ARHGEF4: variants seen among roughly 807,000 people sequenced by gnomAD.
ARHGEF4 encodes the protein Rho guanine nucleotide exchange factor 4.
ARHGEF4 carries 119 observed loss-of-function variants against 162.0 expected under a neutral mutation model. That is an observed-to-expected ratio of 0.73 (90% CI 0.63 to 0.86). The LOEUF is 0.86. Among genes scored for constraint, ARHGEF4 ranks in the 40% least tolerant of loss-of-function variants. ARHGEF4 has a pLI of 0.00. For synonymous variants in ARHGEF4, 1,014 were observed against 979.9 expected, an observed-to-expected ratio of 1.03 and a Z score of -0.65; for missense variants, 2,488 against 2,456.0, an observed-to-expected ratio of 1.01 and a Z score of -0.28.
intron 2 of ARHGEF4, among the ~76,000 whole-genome samples, chr2:130,925,035 AGTGTGTGT>A (rs55986926): frequency 0.12 from 15,988 of 137,778 alleles, 912 homozygotes; most frequent in Non-Finnish European, 0.12. Flanking sequence ...AGGAGTTCTA[AGTGTGTGT>A]GTGTGTGTGT....
intron 4 of ARHGEF4, among the ~76,000 whole-genome samples, chr2:131,022,852 A>G (rs1689222912): frequency 1.3e-5 from 2 of 151,966 alleles, no homozygotes; most frequent in African/African-American, 4.8e-5. Flanking sequence ...AAACTTTGGC[A>G]CTATGAAAAC....
Position 130,916,665 on chromosome 2 carries a change from GC to G in ARHGEF4, c.2720del (p.Ala907GlufsTer17). 6.4e-7 allele frequency: 1 copy of G among 1,550,620 alleles called. No homozygotes were observed. The highest frequency in any genetic ancestry group is 8.7e-7 in the Non-Finnish European group (1 of 1,147,004). ...CAAAACAACGGAGAAAAAACTCAGG[GC>G]AAGGTTGGCCTTGGCTCATAAGACC... ...RLKTTEKKLR[A>X]RLALAHKTFS... On this transcript the variant is annotated frameshift_variant, in exon 2 of 14. Transcript: ENST00000409359. LOFTEE classifies it high-confidence loss of function.
chr2:130,948,269 C>G (rs927659323), intron 4 of ARHGEF4, among the ~76,000 whole-genome samples: 14 of 152,188 alleles, frequency 9.2e-5, no homozygotes, highest in Admixed American at 3.3e-4. Flanking sequence ...TGGTGGTTGT[C>G]CATCAGCAGA....
At chr2:130,975,295 C>T (rs1027909497) in intron 4 of ARHGEF4, among the ~76,000 whole-genome samples, 10 of 152,224 alleles carry the variant, frequency 6.6e-5, no homozygotes, top group Non-Finnish European at 1.5e-4. Flanking sequence ...GCCTTCCAGA[C>T]CCTGGAGACT....
At chr2:130,968,482 G>A (rs1685142572) in intron 4 of ARHGEF4, among the ~76,000 whole-genome samples, 1 of 152,202 alleles carries the variant, frequency 6.6e-6, no homozygotes, top group South Asian at 2.1e-4. Context: ...GATGTAGGAA[G>A]GAAGGGAACC....
chr2:131,030,276 T>C (rs1689762236), intron 5 of ARHGEF4, among the ~76,000 whole-genome samples: 1 of 152,190 alleles, frequency 6.6e-6, no homozygotes, highest in Non-Finnish European at 1.5e-5. Context: ...GACAAGTTGT[T>C]CATTCTAAGA....
chr2:130,939,288 CTTCTT>C (rs1683142273), intron 3 of ARHGEF4, among the ~76,000 whole-genome samples: 1 of 152,250 alleles, frequency 6.6e-6, no homozygotes, highest in African/African-American at 2.4e-5. Context: ...AGTTTCTTTT[CTTCTT>C]TTCTTTTTTT....
intron 5 of ARHGEF4, among the ~76,000 whole-genome samples, chr2:131,034,102 G>A (rs1690053744): frequency 6.6e-6 from 1 of 152,120 alleles, no homozygotes; most frequent in African/African-American, 2.4e-5. Context: ...CACACACAGA[G>A]AGATCAGAGC....
At chr2:130,992,046 C>G (rs1045209292) in intron 4 of ARHGEF4, among the ~76,000 whole-genome samples, 1 of 152,190 alleles carries the variant, frequency 6.6e-6, no homozygotes, top group Non-Finnish European at 1.5e-5. Context: ...TGTGAGTGCA[C>G]CAATCGACAC....
intron 4 of ARHGEF4, among the ~76,000 whole-genome samples, chr2:131,024,542 T>G (rs1299158615): frequency 6.6e-6 from 1 of 152,184 alleles, no homozygotes; most frequent in African/African-American, 2.4e-5. Context: ...CCCAAAGTGC[T>G]GGGATTGCAG....
intron 5 of ARHGEF4, among the ~76,000 whole-genome samples, chr2:131,031,306 G>C (rs906144125): frequency 1.3e-5 from 2 of 152,228 alleles, no homozygotes; most frequent in African/African-American, 2.4e-5. Context: ...CTGGCCTGGA[G>C]AGCGGCCCAC....
Position 130,950,687 on chromosome 2 carries a change from C to A in ARHGEF4, c.3985+4052C>A, listed in dbSNP as rs1305601291. Among the ~76,000 whole-genome samples, 4 of 110,438 alleles carry A rather than the reference C, an allele frequency of 3.6e-5. No homozygotes were observed. In the East Asian group the frequency reaches 1.3e-3, roughly 36 times the overall value. 72.5% of individuals were successfully genotyped at this position (110,438 alleles called of 152,430 possible). On this transcript the variant is annotated intron_variant, in intron 4 of 13. Coordinates refer to ENST00000409359, the MANE Select transcript of ARHGEF4 (RefSeq NM_001367493.1). ...AGAAGCTCTGTACCTTTAGCTATTA[C>A]CCCCCACCACCACCCGAAGGAACCA...
Position 130,914,067 on chromosome 2 carries a change from GAGCAGGGATGGAACC to G in ARHGEF4, c.126_140del (p.Gly43_Gln47del). The G allele has an allele frequency of 6.5e-7, 1 of 1,536,142 alleles. No homozygotes were observed. The highest frequency in any genetic ancestry group is 1.2e-5 in the South Asian group (1 of 84,064). ...CCCCACATCCCCTGCAGAACAAGTGGAGCAGGGATGGAACCAGCAAACAGACCGCGATGATTCTGA... is the reference window on the plus strand; with the variant it reads ...CCCCACATCCCCTGCAGAACAAGTGGAGCAAACAGACCGCGATGATTCTGA... On this transcript the variant is annotated inframe_deletion, in exon 2 of 14. Coordinates refer to ENST00000409359, the MANE Select transcript of ARHGEF4 (RefSeq NM_001367493.1).
intron 1 of ARHGEF4, among the ~76,000 whole-genome samples, chr2:130,908,359 T>G (rs1680963692): frequency 6.6e-6 from 1 of 152,192 alleles, no homozygotes; most frequent in African/African-American, 2.4e-5. Context: ...GGGCAGAGAC[T>G]GTGGGATTTT....
intron 1 of ARHGEF4, among the ~76,000 whole-genome samples, chr2:130,869,429 G>T (rs111811181): frequency 1.3e-5 from 2 of 152,346 alleles, no homozygotes; most frequent in African/African-American, 4.8e-5. Context: ...CACTGGTGGT[G>T]TCACTGACTG....
At chr2:130,912,791 G>C (rs1316118404) in intron 1 of ARHGEF4, among the ~76,000 whole-genome samples, 1 of 152,060 alleles carries the variant, frequency 6.6e-6, no homozygotes, top group Non-Finnish European at 1.5e-5. Flanking sequence ...CCTAAGGGAA[G>C]GAAGCCACAC....
At chr2:130,868,356 C>T (rs932935723) in intron 1 of ARHGEF4, among the ~76,000 whole-genome samples, 1 of 152,018 alleles carries the variant, frequency 6.6e-6, no homozygotes, top group Admixed American at 6.6e-5. Flanking sequence ...CAGACAGTCA[C>T]CCAGCTGGAC....
Position 130,889,811 on chromosome 2 carries a change from C to CAA in ARHGEF4, c.40-24155_40-24154dup, listed in dbSNP as rs35297177. Among the ~76,000 whole-genome samples, 208 of 67,578 alleles carry CAA rather than the reference C, an allele frequency of 3.1e-3. 2 individuals are homozygous for CAA. Among genetic ancestry groups the CAA allele is most frequent in the African/African-American group, 0.01 (182 of 17,528 alleles). 44.3% of individuals were successfully genotyped at this position (67,578 alleles called of 152,430 possible). On this transcript the variant is annotated intron_variant, in intron 1 of 13. Transcript: ENST00000409359. The stretch of plus-strand genomic sequence containing the variant: ...CAGGTGACAGAGTGAGACTCCGTCT[C>CAA]AAAAAAAAAAAAAAAAAAAAAGTAC...
At chr2:131,012,263 C>T (rs1473919922) in intron 4 of ARHGEF4, among the ~76,000 whole-genome samples, 1 of 152,028 alleles carries the variant, frequency 6.6e-6, no homozygotes, top group South Asian at 2.1e-4. Flanking sequence ...GCAGTTTTCC[C>T]CTCCAAGGAG....
Sources: allele counts gnomAD v4.1 joint callset (sites outside exome capture counted in the v4.1 genomes callset), GRCh38; gene constraint gnomAD v4.1.1; transcripts MANE v1.5; gene names NCBI Gene and HGNC (gene_info 2026-07-23, HGNC 2026-07-21).